Variants in COL25A1 observed in about 807,000 individuals in gnomAD.
The protein encoded by COL25A1 is collagen type XXV alpha 1 chain.
In COL25A1, 103 loss-of-function variants were observed where a neutral mutation model predicts 128.4. The ratio of observed to expected loss-of-function variants is 0.80; its 90% CI spans 0.68 to 0.94. The LOEUF is 0.94. Ranked by LOEUF, COL25A1 falls within the 40% of genes least tolerant of loss-of-function variation. The pLI is 0.00. For synonymous variants in COL25A1, 279 were observed against 277.2 expected (o/e 1.01, Z -0.06); for missense variants, 745 against 840.0 (o/e 0.89, Z 1.40).
intron 19 of COL25A1, among the ~76,000 whole-genome samples, chr4:108,874,885 C>T (rs1406951816): frequency 6.6e-6 from 1 of 151,904 alleles, no homozygotes; most frequent in Non-Finnish European, 1.5e-5. Context: ...CGTTTTTTTT[C>T]CCCTCAGGTA....
intron 3 of COL25A1, among the ~76,000 whole-genome samples, chr4:109,187,190 T>C (rs547065111): frequency 1.3e-4 from 17 of 127,946 alleles, no homozygotes; most frequent in African/African-American, 5.2e-4. Flanking sequence ...GTGTGTATTC[T>C]CTTGCTCTCT....
chr4:108,868,410 C>T (rs1191346801), intron 20 of COL25A1, among the ~76,000 whole-genome samples: 1 of 151,474 alleles, frequency 6.6e-6, no homozygotes, highest in Non-Finnish European at 1.5e-5. Flanking sequence ...ACCTAAATTA[C>T]CAAGTTGTCC....
At chr4:109,184,804 C>T (rs538598126) in intron 3 of COL25A1, among the ~76,000 whole-genome samples, 2 of 152,294 alleles carry the variant, frequency 1.3e-5, no homozygotes, top group African/African-American at 2.4e-5. Flanking sequence ...CCACAATATT[C>T]CTGCCAAGTG....
At chr4:108,889,620 T>TA in intron 17 of COL25A1, 81 bp downstream of exon 17, 3 of 1,267,500 alleles carry the variant, frequency 2.4e-6, no homozygotes, top group Non-Finnish European at 2.3e-6. Flanking sequence ...TCAAAGTTGC[T>TA]AAAAAGGGAG....
At chr4:109,281,158 T>C (rs1191082045) in intron 3 of COL25A1, among the ~76,000 whole-genome samples, 2 of 152,188 alleles carry the variant, frequency 1.3e-5, no homozygotes, top group African/African-American at 4.8e-5. Flanking sequence ...TCTAAATAAG[T>C]GTAGTTAACT....
chr4:109,208,483 TAAAAAAAAA>T (rs199675745), intron 3 of COL25A1, among the ~76,000 whole-genome samples: 1 of 138,308 alleles, frequency 7.2e-6, no homozygotes, highest in Non-Finnish European at 1.6e-5. Flanking sequence ...TATCAGTTAA[TAAAAAAAAA>T]AAAAACAAAT....
At chr4:109,084,618 G>A (rs1456516015) in intron 3 of COL25A1, among the ~76,000 whole-genome samples, 1 of 152,102 alleles carries the variant, frequency 6.6e-6, no homozygotes, top group Non-Finnish European at 1.5e-5. Flanking sequence ...ATTTATTCTT[G>A]TATGTTATTA....
intron 6 of COL25A1, among the ~76,000 whole-genome samples, chr4:108,975,546 G>A (rs923904861): frequency 1.3e-5 from 2 of 152,152 alleles, no homozygotes; most frequent in African/African-American, 4.8e-5. Flanking sequence ...GAACTGTTAG[G>A]TTACAGACTA....
Position 109,268,307 on chromosome 4 carries a change from C to T in COL25A1, c.367+32276G>A, listed in dbSNP as rs185005416. 1.1e-3 allele frequency among the ~76,000 whole-genome samples: 161 copies of T among 152,224 alleles called. 1 individual carries two copies. The highest frequency in any genetic ancestry group is 3.5e-3 in the African/African-American group (146 of 41,554). Reference sequence around the variant, plus strand: ...ATTAAAATTAGATAAGCATTTATGTCTATTTTTTCATGATTCTTGTATCCA... The same window carrying T: ...ATTAAAATTAGATAAGCATTTATGTTTATTTTTTCATGATTCTTGTATCCA... On this transcript the variant is annotated intron_variant, in intron 3 of 37. Coordinates refer to ENST00000399132, the MANE Select transcript of COL25A1 (RefSeq NM_198721.4).
At chr4:108,867,841 G>C (rs917222234) in intron 20 of COL25A1, among the ~76,000 whole-genome samples, 1 of 152,042 alleles carries the variant, frequency 6.6e-6, no homozygotes, top group African/African-American at 2.4e-5. Flanking sequence ...TTTCAGGGTA[G>C]ATAAAAAGAG....
intron 3 of COL25A1, among the ~76,000 whole-genome samples, chr4:109,278,718 G>A (rs181392665): frequency 3.2e-4 from 48 of 152,194 alleles, no homozygotes; most frequent in East Asian, 9.6e-4. Context: ...TTGGTGACTC[G>A]GCATAATGTT....
chr4:108,930,957 C>T (rs1199725474), intron 11 of COL25A1, among the ~76,000 whole-genome samples: 2 of 152,108 alleles, frequency 1.3e-5, no homozygotes, highest in Non-Finnish European at 2.9e-5. Flanking sequence ...TCTTCTTTAT[C>T]TAATGATGAA....
intron 3 of COL25A1, among the ~76,000 whole-genome samples, chr4:109,242,332 G>T (rs1248805877): frequency 6.6e-6 from 1 of 151,990 alleles, no homozygotes; most frequent in Non-Finnish European, 1.5e-5. Flanking sequence ...ACTAACCTTG[G>T]AATAATGAAT....
rs77471652 is a variant in COL25A1, at chr4:109,229,752, C to G, written c.367+70831G>C. ...GTTGGGCAACTCAAATTTTTCAACC[C>G]TCTGCACATGTCTGACGATGGCTGT... On this transcript the variant is annotated intron_variant, in intron 3 of 37. Coordinates refer to ENST00000399132, the MANE Select transcript of COL25A1 (RefSeq NM_198721.4). Among the ~76,000 whole-genome samples, 1,146 of 152,232 alleles carry G rather than the reference C, an allele frequency of 7.5e-3. 56 individuals carry two copies. The South Asian group carries it at 0.13, about 18-fold the overall frequency.
At chr4:108,898,627 G>C (rs2125860319) in intron 15 of COL25A1, among the ~76,000 whole-genome samples, 1 of 152,248 alleles carries the variant, frequency 6.6e-6, no homozygotes, top group South Asian at 2.1e-4. Context: ...GCAACCTTCA[G>C]ATAATTGCTG....
chr4:109,184,299 T>C (rs1385513444), intron 3 of COL25A1, among the ~76,000 whole-genome samples: 1 of 152,206 alleles, frequency 6.6e-6, no homozygotes, highest in Non-Finnish European at 1.5e-5. Flanking sequence ...TAGAGGATTC[T>C]GCTCTGGGAA....
chr4:109,043,112 C>G (rs534647100), intron 5 of COL25A1, among the ~76,000 whole-genome samples: 3 of 107,322 alleles, frequency 2.8e-5, no homozygotes, highest in African/African-American at 1.1e-4. Flanking sequence ...TGGTCCAATG[C>G]TCACCCTTCT....
At chr4:109,201,681 G>C (rs1235744921) in intron 3 of COL25A1, among the ~76,000 whole-genome samples, 1 of 152,116 alleles carries the variant, frequency 6.6e-6, no homozygotes, top group Non-Finnish European at 1.5e-5. Flanking sequence ...TATAGACTGG[G>C]AAGGAAAACT....
intron 5 of COL25A1, among the ~76,000 whole-genome samples, chr4:109,046,004 T>C (rs3108955): frequency 0.5 from 76,301 of 152,042 alleles, 21,176 homozygotes; most frequent in African/African-American, 0.73. Flanking sequence ...CAATGATCCA[T>C]GTTATAACAC....
Sources: gnomAD v4.1 joint callset for allele counts (sites outside exome capture counted in the v4.1 genomes callset) on GRCh38, gnomAD v4.1.1 for gene constraint, MANE v1.5 for transcripts, NCBI Gene and HGNC (gene_info 2026-07-23, HGNC 2026-07-21) for gene names.